Variants in NUP93 observed in about 807,000 individuals in gnomAD.
The protein encoded by NUP93 is nuclear pore complex protein Nup93.
Under a neutral mutation model 107.8 loss-of-function variants are expected in NUP93, and 55 were observed. That is an observed-to-expected ratio of 0.51 (90% CI 0.41 to 0.64). NUP93 has a LOEUF of 0.64. NUP93 is among the 30% of genes least tolerant of loss of function. The pLI is 0.00. For missense variants in NUP93, 937 were observed against 1,044.7 expected, an observed-to-expected ratio of 0.90 and a Z score of 1.42; for synonymous variants, 390 against 397.5, an observed-to-expected ratio of 0.98 and a Z score of 0.22.
chr16:56,807,745 G>A (rs1046895422), intron 5 of NUP93, among the ~76,000 whole-genome samples: 15 of 151,970 alleles, frequency 9.9e-5, no homozygotes, highest in Non-Finnish European at 1.8e-4. Flanking sequence ...AGTGTGGCCC[G>A]GGCGCGGTGG....
chr16:56,827,948 C>T (rs1211228451), intron 8 of NUP93, among the ~76,000 whole-genome samples: 3 of 152,034 alleles, frequency 2.0e-5, no homozygotes, highest in Non-Finnish European at 2.9e-5. Context: ...GGTGAAACCC[C>T]ATCTCTACTA....
chr16:56,834,604 C>A, intron 15 of NUP93, 130 bp from the exon 16 acceptor site: 1 of 1,106,430 alleles, frequency 9.0e-7, no homozygotes, highest in Non-Finnish European at 1.3e-6. Context: ...ATTTCAGTCA[C>A]ACTGATTTTT....
intron 16 of NUP93, among the ~76,000 whole-genome samples, chr16:56,835,224 G>T (rs1313496126): frequency 1.3e-5 from 2 of 152,158 alleles, no homozygotes; most frequent in Non-Finnish European, 2.9e-5. Flanking sequence ...AATACTTCTG[G>T]AAGCTTGAGG....
rs1445325311 is a variant in NUP93, at chr16:56,808,730, C to T, written c.489+3098C>T. Among the ~76,000 whole-genome samples, 10 of 29,146 alleles carry T rather than the reference C, an allele frequency of 3.4e-4. No individual in the cohort carries two copies. The South Asian group carries it at 0.019, about 56-fold the overall frequency. The allele number at this position is 29,146 out of a possible 152,430, so 19.1% of individuals were successfully genotyped here. ...ATACATATATAAATATATATAAATA[C>T]ATATATAAAATACATATATAAATAT... On this transcript the variant is annotated intron_variant, in intron 5 of 21. Transcript: ENST00000308159.
rs1414728700 is a variant in NUP93 at position 56,850,051 on chromosome 16, C to T, written c.*5442C>T. The T allele has an allele frequency of 6.6e-6, 1 of 152,180 alleles. No homozygotes were observed. Among genetic ancestry groups the T allele is most frequent in the Non-Finnish European group, 1.5e-5 (1 of 68,018 alleles). 9.4% of individuals were successfully genotyped at this position (152,180 alleles called of 1,614,324 possible). On this transcript the variant is annotated 3_prime_UTR_variant, in exon 22 of 22. Transcript: ENST00000308159. ...CTTGATCAGTAACTTGTGTTAGAAA[C>T]TCAGTGGGGGAGAATTCTTTGCGTT...
intron 3 of NUP93, among the ~76,000 whole-genome samples, chr16:56,797,078 T>C (rs1962917281): frequency 6.6e-6 from 1 of 152,168 alleles, no homozygotes; most frequent in African/African-American, 2.4e-5. Context: ...GGCCTCATCA[T>C]GGCCAACATT....
chr16:56,782,140 A>G (rs752239070), intron 3 of NUP93: 70 of 985,190 alleles, frequency 7.1e-5, no homozygotes, highest in Non-Finnish European at 7.7e-5. Flanking sequence ...CTCATCTCAT[A>G]TAAGAAGGTT....
Position 56,839,597 on chromosome 16 carries a change from GTGA to G in NUP93, c.2217_2219del (p.Asp739del). 1 of 1,612,836 alleles carries G rather than the reference GTGA, an allele frequency of 6.2e-7. No homozygotes were observed. The highest frequency in any genetic ancestry group is 1.7e-5 in the Admixed American group (1 of 60,008). On this transcript the variant is annotated inframe_deletion, in exon 20 of 22. Coordinates refer to ENST00000308159, the MANE Select transcript of NUP93 (RefSeq NM_014669.5). ...AGAGTGGCTGCCTTCAGAAATTTCA[GTGA>G]TGAAGTAAGTTCCTTCTTCCTGAGT...
intron 5 of NUP93, among the ~76,000 whole-genome samples, chr16:56,814,502 T>G (rs1963380058): frequency 6.6e-6 from 1 of 152,236 alleles, no homozygotes; most frequent in Non-Finnish European, 1.5e-5. Flanking sequence ...CATTTCGTTT[T>G]TTTCTAACTA....
At chr16:56,767,645 G>A (rs780062139) in intron 3 of NUP93, among the ~76,000 whole-genome samples, 2 of 152,174 alleles carry the variant, frequency 1.3e-5, no homozygotes, top group Non-Finnish European at 2.9e-5. Context: ...TATATGATAT[G>A]CTTGATTTGC....
chr16:56,794,500 G>A (rs1962845065), intron 3 of NUP93, among the ~76,000 whole-genome samples: 1 of 152,022 alleles, frequency 6.6e-6, no homozygotes, highest in Non-Finnish European at 1.5e-5. Flanking sequence ...AGAAATTTGG[G>A]AATTGCATTT....
At chr16:56,795,507 A>G (rs1176488009) in intron 3 of NUP93, among the ~76,000 whole-genome samples, 3 of 152,036 alleles carry the variant, frequency 2.0e-5, no homozygotes, top group Non-Finnish European at 4.4e-5. Flanking sequence ...TGGTTTATTA[A>G]TGTCATTACA....
chr16:56,755,323 T>C (rs564343590), intron 2 of NUP93, among the ~76,000 whole-genome samples: 189 of 151,590 alleles, frequency 1.2e-3, no homozygotes, highest in African/African-American at 3.6e-3. Context: ...TCAACATGAA[T>C]GAACCTTGAA....
intron 8 of NUP93, among the ~76,000 whole-genome samples, chr16:56,827,588 G>A (rs1350992784): frequency 6.6e-6 from 1 of 152,164 alleles, no homozygotes; most frequent in Non-Finnish European, 1.5e-5. Flanking sequence ...ACTTCATTGT[G>A]GGATTCAGTG....
intron 4 of NUP93, among the ~76,000 whole-genome samples, chr16:56,799,300 A>G (rs1195908573): frequency 8.5e-5 from 13 of 152,204 alleles, no homozygotes; most frequent in African/African-American, 3.1e-4. Context: ...AACTAGCTCC[A>G]TGCTTGAAAA....
At chr16:56,760,838 C>T (rs1962113262) in intron 3 of NUP93, among the ~76,000 whole-genome samples, 1 of 151,994 alleles carries the variant, frequency 6.6e-6, no homozygotes, top group Non-Finnish European at 1.5e-5. Context: ...GTCCCAGCTA[C>T]AGGGGGAGGC....
At chr16:56,816,440 C>T (rs917489324) in intron 5 of NUP93, among the ~76,000 whole-genome samples, 2 of 152,150 alleles carry the variant, frequency 1.3e-5, no homozygotes, top group African/African-American at 4.8e-5. Context: ...TCTGCAGTGC[C>T]GTCAGGGACC....
At chr16:56,737,029 C>T (rs973570160) in intron 1 of NUP93, among the ~76,000 whole-genome samples, 20 of 152,138 alleles carry the variant, frequency 1.3e-4, no homozygotes, top group African/African-American at 4.8e-4. Flanking sequence ...CTTAAGTATA[C>T]AGCTTAGGGA....
chr16:56,781,792 C>T (rs947397885), intron 3 of NUP93: 21 of 981,244 alleles, frequency 2.1e-5, no homozygotes, highest in East Asian at 1.1e-4. Context: ...TGGTACAGTC[C>T]GTTAACAATA....
Sources: gnomAD v4.1 joint callset for allele counts (sites outside exome capture counted in the v4.1 genomes callset) on GRCh38, gnomAD v4.1.1 for gene constraint, MANE v1.5 for transcripts, NCBI Gene and HGNC (gene_info 2026-07-23, HGNC 2026-07-21) for gene names.